Variants in PRORP observed in about 807,000 individuals in gnomAD.
PRORP encodes protein only RNase P catalytic subunit.
Under a neutral mutation model 59.4 loss-of-function variants are expected in PRORP, and 51 were observed. The ratio of observed to expected loss-of-function variants is 0.86; its 90% CI spans 0.69 to 1.08. The LOEUF (loss-of-function observed/expected upper bound fraction) is 1.08. PRORP is among the 50% of genes least tolerant of loss of function. The pLI is 0.00. For synonymous variants in PRORP, 231 were observed against 245.6 expected (o/e 0.94, Z 0.55); for missense variants, 646 against 690.3 (o/e 0.94, Z 0.72).
At position 35,275,199 on chromosome 14, in the gene PRORP, A is replaced by G. The variant is rs997148218; in HGVS notation, c.*1633A>G. 15 of 152,198 alleles carry G rather than the reference A, an allele frequency of 9.9e-5. No homozygotes were observed. The highest frequency in any genetic ancestry group is 9.8e-4 in the Admixed American group (15 of 15,268). 9.4% of individuals were successfully genotyped at this position (152,198 alleles called of 1,614,324 possible). A position where few individuals can be genotyped will look rare whatever the true frequency, so the allele number is the denominator to read the frequency against. On this transcript the variant is annotated 3_prime_UTR_variant, in exon 8 of 8. Transcript: ENST00000534898. ...CTCACACTAAACATTTTAAATTGAT[A>G]TATTTACATTTATGACAATATACCT... is the stretch of plus-strand genomic sequence containing the variant.
rs564445845 is a variant in PRORP at position 35,152,218 on chromosome 14, A to G, written c.1167+24607A>G. Among the ~76,000 whole-genome samples the G allele has an allele frequency of 8.8e-4, 134 of 152,342 alleles. 1 individual carries two copies. Among genetic ancestry groups the G allele is most frequent in the Middle Eastern group, 6.8e-3 (2 of 294 alleles). On this transcript the variant is annotated intron_variant, in intron 4 of 7. Coordinates refer to ENST00000534898, the MANE Select transcript of PRORP (RefSeq NM_014672.4). ...AATCCATTCAACCCTGAGTGGACAC[A>G]GCACATGTTTCAGAGAGCACAGGGT...
rs1428267512 is a variant in PRORP at position 35,275,879 on chromosome 14, T to C, written c.*2313T>C. The C allele has an allele frequency of 6.6e-6, 1 of 151,194 alleles. No homozygotes were observed. The allele number at this position is 151,194 out of a possible 1,614,324, so 9.4% of individuals were successfully genotyped here. ...AGGAGTAACCTTAGAGCATGTAAAGTCCATTTTGGAGATGAGGAACAGACC... is the reference window on the plus strand; with the variant it reads ...AGGAGTAACCTTAGAGCATGTAAAGCCCATTTTGGAGATGAGGAACAGACC... On this transcript the variant is annotated 3_prime_UTR_variant, in exon 8 of 8. Coordinates refer to ENST00000534898, the MANE Select transcript of PRORP (RefSeq NM_014672.4).
intron 5 of PRORP, among the ~76,000 whole-genome samples, chr14:35,254,389 G>T (rs1168875025): frequency 2.0e-5 from 3 of 151,886 alleles, no homozygotes; most frequent in Non-Finnish European, 4.4e-5. Flanking sequence ...TTGCTTGTTT[G>T]TTTGTTTGTT....
In PRORP at chr14:35,231,183, C is replaced by A. The variant is rs79897385; in HGVS notation, c.1276-35544C>A. 9.6e-3 allele frequency among the ~76,000 whole-genome samples: 1,465 copies of A among 152,282 alleles called. 26 individuals carry two copies. Among genetic ancestry groups the A allele is most frequent in the African/African-American group, 0.033 (1,391 of 41,554 alleles). ...GTTCAAGGTTTACTACCTTACATCA[C>A]ATTACCATGTCTGAGGAGAATATAT... On this transcript the variant is annotated intron_variant, in intron 5 of 7. Coordinates refer to ENST00000534898, the MANE Select transcript of PRORP (RefSeq NM_014672.4).
intron 5 of PRORP, among the ~76,000 whole-genome samples, chr14:35,233,835 A>G (rs561675357): frequency 1.3e-5 from 2 of 152,242 alleles, no homozygotes; most frequent in African/African-American, 4.8e-5. Context: ...TAAATGTGCA[A>G]TTGGTAAGAA....
intron 4 of PRORP, among the ~76,000 whole-genome samples, chr14:35,148,911 ATTTTTTTTTTTT>A (rs1186320988): frequency 1.2e-5 from 1 of 82,840 alleles, no homozygotes; most frequent in South Asian, 4.2e-4. Flanking sequence ...GCACTTTTTA[ATTTTTTTTTTTT>A]TTTTTTTTTT....
At chr14:35,155,008 C>T (rs777037220) in intron 4 of PRORP, among the ~76,000 whole-genome samples, 8 of 152,162 alleles carry the variant, frequency 5.3e-5, no homozygotes, top group African/African-American at 1.9e-4. Flanking sequence ...GATCATCCCA[C>T]CTCAGCCTCC....
intron 5 of PRORP, among the ~76,000 whole-genome samples, chr14:35,195,336 C>G (rs991517674): frequency 4.6e-5 from 7 of 151,968 alleles, no homozygotes; most frequent in Non-Finnish European, 8.8e-5. Flanking sequence ...CAGAAGCCAA[C>G]TGAGTACTGG....
intron 5 of PRORP, among the ~76,000 whole-genome samples, chr14:35,251,228 C>T (rs1272764222): frequency 6.6e-6 from 1 of 152,104 alleles, no homozygotes; most frequent in African/African-American, 2.4e-5. Flanking sequence ...AGTAGTATTC[C>T]ATCATATATA....
At chr14:35,215,240 A>G (rs2049556277) in intron 5 of PRORP, among the ~76,000 whole-genome samples, 1 of 152,164 alleles carries the variant, frequency 6.6e-6, no homozygotes, top group Admixed American at 6.5e-5. Context: ...TGTGAAGAAC[A>G]ATGCATTTCT....
At chr14:35,216,837 G>A (rs1240593183) in intron 5 of PRORP, among the ~76,000 whole-genome samples, 2 of 152,040 alleles carry the variant, frequency 1.3e-5, no homozygotes, top group South Asian at 2.1e-4. Flanking sequence ...TATTATAGTC[G>A]TACTAATAGG....
At chr14:35,256,759 T>C (rs2050771616) in intron 5 of PRORP, among the ~76,000 whole-genome samples, 1 of 152,138 alleles carries the variant, frequency 6.6e-6, no homozygotes, top group Non-Finnish European at 1.5e-5. Context: ...ATAGATGAAA[T>C]TGGATTGGCC....
chr14:35,188,106 A>G (rs2048786804), intron 5 of PRORP, among the ~76,000 whole-genome samples: 1 of 150,520 alleles, frequency 6.6e-6, no homozygotes, highest in Admixed American at 6.6e-5. Context: ...TGTGGGGCTT[A>G]TGGGCATGAG....
chr14:35,216,165 GAGA>G (rs1260107096), intron 5 of PRORP, among the ~76,000 whole-genome samples: 1 of 75,514 alleles, frequency 1.3e-5, no homozygotes, highest in African/African-American at 3.9e-5. Context: ...ATTAGAGAGA[GAGA>G]AGGAGAGAGA....
At chr14:35,217,561 C>CT (rs1257965975) in intron 5 of PRORP, among the ~76,000 whole-genome samples, 2 of 150,276 alleles carry the variant, frequency 1.3e-5, no homozygotes, top group African/African-American at 2.4e-5. Context: ...TGATTTACAT[C>CT]TTTTTTTCTA....
chr14:35,131,536 T>G (rs1010665923), intron 4 of PRORP, among the ~76,000 whole-genome samples: 1 of 151,446 alleles, frequency 6.6e-6, no homozygotes, highest in African/African-American at 2.4e-5. Flanking sequence ...TTTTTGGTTT[T>G]TTTTTTTTTT....
upstream of PRORP, chr14:35,121,958 A>G (rs765728725): frequency 6.2e-7 from 1 of 1,614,032 alleles, no homozygotes; most frequent in Non-Finnish European, 8.5e-7. Context: ...TTTCCAGTCC[A>G]TGGCCGACTT....
At chr14:35,166,595 G>T (rs370100706) in intron 4 of PRORP, among the ~76,000 whole-genome samples, 1 of 151,890 alleles carries the variant, frequency 6.6e-6, no homozygotes, top group Non-Finnish European at 1.5e-5. Context: ...GACTACAGGC[G>T]CGTGCCACCA....
intron 5 of PRORP, chr14:35,263,098 A>T (rs1316321235): frequency 8.9e-7 from 1 of 1,127,574 alleles, no homozygotes; most frequent in Non-Finnish European, 1.3e-6. Context: ...CCTATTTGTG[A>T]TGTTTAAATG....
Sources: allele counts gnomAD v4.1 joint callset (sites outside exome capture counted in the v4.1 genomes callset), GRCh38; gene constraint gnomAD v4.1.1; transcripts MANE v1.5; gene names NCBI Gene and HGNC (gene_info 2026-07-23, HGNC 2026-07-21).